The following GFRA1 variants were observed in gnomAD, a reference collection of about 807,000 sequenced individuals.
The protein encoded by GFRA1 is GDNF family receptor alpha 1, also known as GDNF family receptor alpha-1.
In GFRA1, 16 loss-of-function variants were observed where a neutral mutation model predicts 51.6. That is an observed-to-expected ratio of 0.31 (90% CI 0.21 to 0.47). GFRA1 has a LOEUF of 0.47. Among genes scored for constraint, GFRA1 ranks in the 20% least tolerant of loss-of-function variants. The pLI is 1.00. For synonymous variants in GFRA1, 270 were observed against 241.3 expected (o/e 1.12, Z -1.10); for missense variants, 530 against 594.3 (o/e 0.89, Z 1.13).
At chr10:116,106,714 C>T (rs1440178062) in intron 6 of GFRA1, among the ~76,000 whole-genome samples, 1 of 150,926 alleles carries the variant, frequency 6.6e-6, no homozygotes, top group Non-Finnish European at 1.5e-5. Context: ...TTATCTCGTT[C>T]CTGTCTTCCA....
At chr10:116,205,385 G>A (rs117974607) in intron 5 of GFRA1, among the ~76,000 whole-genome samples, 3,868 of 151,924 alleles carry the variant, frequency 0.025, 60 homozygotes, top group Non-Finnish European at 0.038. Context: ...AGACCATCTC[G>A]CCAACAAGGT....
At chr10:116,098,890 C>G (rs572607594) in intron 6 of GFRA1, among the ~76,000 whole-genome samples, 5 of 152,308 alleles carry the variant, frequency 3.3e-5, no homozygotes, top group African/African-American at 1.2e-4. Context: ...GAGGATAAAA[C>G]AAAATATACT....
chr10:116,268,949 T>C (rs2134815728), intron 4 of GFRA1, among the ~76,000 whole-genome samples: 1 of 152,274 alleles, frequency 6.6e-6, no homozygotes, highest in Non-Finnish European at 1.5e-5. Flanking sequence ...AGGAGTACAT[T>C]CTCTCATAAA....
chr10:116,125,055 C>T (rs192738824), intron 6 of GFRA1, among the ~76,000 whole-genome samples, 166 bp downstream of exon 6: 18 of 152,248 alleles, frequency 1.2e-4, no homozygotes, highest in African/African-American at 3.1e-4. Flanking sequence ...TGAAGAACCC[C>T]GTGGCAGACA....
chr10:116,175,556 G>A (rs139671832), intron 5 of GFRA1, among the ~76,000 whole-genome samples: 12 of 152,184 alleles, frequency 7.9e-5, no homozygotes, highest in African/African-American at 2.6e-4. Flanking sequence ...GAATTTTCTC[G>A]CTAGCTTTGC....
At chr10:116,251,202 T>C (rs545751953) in intron 4 of GFRA1, among the ~76,000 whole-genome samples, 1 of 152,344 alleles carries the variant, frequency 6.6e-6, no homozygotes, top group East Asian at 1.9e-4. Context: ...ATCCTGTCCA[T>C]GCCAATGTCC....
chr10:116,139,813 C>T lies in GFRA1; in HGVS notation c.434-14256G>A, dbSNP rs183953651. On this transcript the variant is annotated intron_variant, in intron 5 of 10. Transcript: ENST00000355422. ...AGTGGATTCCTGCTCCATCGGAGCA[C>T]AGCCTGGGTCCCTGCCCTTGCACTA... Among the ~76,000 whole-genome samples, 432 of 152,336 alleles carry T rather than the reference C, an allele frequency of 2.8e-3. 4 individuals are homozygous for T. Among genetic ancestry groups the T allele is most frequent in the South Asian group, 9.9e-3 (48 of 4,830 alleles).
intron 4 of GFRA1, among the ~76,000 whole-genome samples, chr10:116,267,215 A>C (rs543005719): frequency 1.5e-3 from 224 of 152,288 alleles, no homozygotes; most frequent in Non-Finnish European, 2.3e-3. Flanking sequence ...CTGTAATCCC[A>C]GCAGTTTGGG....
chr10:116,262,328 A>G (rs1969356141), intron 4 of GFRA1, among the ~76,000 whole-genome samples: 1 of 152,162 alleles, frequency 6.6e-6, no homozygotes, highest in South Asian at 2.1e-4. Context: ...CTTTGCCACA[A>G]GTGTACAGAT....
At chr10:116,067,554 G>A (rs538780624) in intron 9 of GFRA1, among the ~76,000 whole-genome samples, 6 of 152,294 alleles carry the variant, frequency 3.9e-5, no homozygotes, top group African/African-American at 1.4e-4. Flanking sequence ...ACTTTGTTCA[G>A]TATGATTAGC....
chr10:116,128,863 T>A lies in GFRA1; in HGVS notation c.434-3306A>T, dbSNP rs573706854. ...GTTATTAGAAAAGCAATATTTTTTT[T>A]AAAAAGGCTTTGTACAAAGTTGGAA... is the stretch of plus-strand genomic sequence containing the variant. On this transcript the variant is annotated intron_variant, in intron 5 of 10. Transcript: ENST00000355422. Among the ~76,000 whole-genome samples, 123 of 147,676 alleles carry A rather than the reference T, an allele frequency of 8.3e-4. 1 individual carries two copies. In the East Asian group the frequency reaches 0.017, roughly 21 times the overall value.
At chr10:116,198,572 G>A (rs967728457) in intron 5 of GFRA1, among the ~76,000 whole-genome samples, 4 of 152,152 alleles carry the variant, frequency 2.6e-5, no homozygotes, top group Non-Finnish European at 5.9e-5. Flanking sequence ...GGCCCAGGTT[G>A]AGACACAGCC....
chr10:116,089,404 A>G (rs1337008764), intron 9 of GFRA1, among the ~76,000 whole-genome samples: 1 of 152,212 alleles, frequency 6.6e-6, no homozygotes, highest in Non-Finnish European at 1.5e-5. Flanking sequence ...CAGAATCAGC[A>G]TAATAAATAT....
chr10:116,257,361 C>T (rs1055035936), intron 4 of GFRA1, among the ~76,000 whole-genome samples: 11 of 150,776 alleles, frequency 7.3e-5, no homozygotes, highest in Non-Finnish European at 1.5e-4. Context: ...GAGACTCCTG[C>T]CCCTCTATCC....
chr10:116,062,799 G>A lies in GFRA1; in HGVS notation c.*1599C>T, dbSNP rs750887504. ...CCAGACTTCAAAAGTGCACTTTCGG[G>A]TCTACTTAGTTAAGAAAGAGAATAA... On this transcript the variant is annotated 3_prime_UTR_variant, in exon 11 of 11. Transcript: ENST00000355422. 1.3e-5 allele frequency: 2 copies of A among 152,188 alleles called. No individual in the cohort carries two copies. Among genetic ancestry groups the A allele is most frequent in the Non-Finnish European group, 2.9e-5 (2 of 68,032 alleles). 9.4% of individuals were successfully genotyped at this position (152,188 alleles called of 1,614,324 possible).
intron 10 of GFRA1, 73 bp downstream of exon 10, chr10:116,065,500 G>T: frequency 1.7e-6 from 2 of 1,210,388 alleles, no homozygotes; most frequent in South Asian, 2.5e-5. Context: ...TGCTTTATAT[G>T]ATACCCTGCC....
intron 9 of GFRA1, among the ~76,000 whole-genome samples, chr10:116,069,815 A>C (rs1200229385): frequency 6.6e-6 from 1 of 152,174 alleles, no homozygotes; most frequent in African/African-American, 2.4e-5. Context: ...CCCAGTCCCT[A>C]CGTGGGTTCT....
intron 4 of GFRA1, among the ~76,000 whole-genome samples, chr10:116,226,954 C>T (rs554968382): frequency 7.2e-5 from 11 of 152,090 alleles, no homozygotes; most frequent in African/African-American, 2.4e-4. Context: ...GCAGGTCAGG[C>T]GGTAATGTGG....
At position 116,062,261 on chromosome 10, in the gene GFRA1, T is replaced by A. The variant is rs143591190; in HGVS notation, c.*2137A>T. On this transcript the variant is annotated 3_prime_UTR_variant, in exon 11 of 11. Coordinates refer to ENST00000355422, the MANE Select transcript of GFRA1 (RefSeq NM_005264.8). ...GTGTAGATACACAGAGATACCTTAA[T>A]GAAAACAAAATACACTCTGTAAGAG... The A allele has an allele frequency of 1.0e-5, 4 of 397,304 alleles. No individual in the cohort carries two copies. Among genetic ancestry groups the A allele is most frequent in the African/African-American group, 6.2e-5 (3 of 48,702 alleles). The allele number at this position is 397,304 out of a possible 1,614,324, so 24.6% of individuals were successfully genotyped here.
Sources: gnomAD v4.1 joint callset for allele counts (sites outside exome capture counted in the v4.1 genomes callset) on GRCh38, gnomAD v4.1.1 for gene constraint, MANE v1.5 for transcripts, NCBI Gene and HGNC (gene_info 2026-07-23, HGNC 2026-07-21) for gene names.